NEB: variants seen among roughly 807,000 people sequenced by gnomAD.
NEB encodes nebulin.
NEB carries 512 observed loss-of-function variants against 952.2 expected under a neutral mutation model. That is an observed-to-expected ratio of 0.54 (90% CI 0.50 to 0.58). The LOEUF is 0.58. Ranked by LOEUF, NEB falls within the 20% of genes least tolerant of loss-of-function variation. NEB has a pLI of 0.00. For missense variants in NEB, 8,428 were observed against 9,231.1 expected (o/e 0.91, Z 3.56); for synonymous variants, 2,900 against 3,149.8 (o/e 0.92, Z 2.66).
intron 13 of NEB, among the ~76,000 whole-genome samples, chr2:151,702,887 T>C (rs933004674): frequency 6.6e-6 from 1 of 152,198 alleles, no homozygotes; most frequent in African/African-American, 2.4e-5. Flanking sequence ...AATATTGTTA[T>C]GTGTGAATTT....
chr2:151,568,960 C>T (rs2096533509), intron 110 of NEB, among the ~76,000 whole-genome samples: 1 of 152,150 alleles, frequency 6.6e-6, no homozygotes, highest in Admixed American at 6.6e-5. Flanking sequence ...TATAATGTAT[C>T]ATTATGTGTA....
At chr2:151,617,931 G>A (rs1007317273) in intron 74 of NEB, among the ~76,000 whole-genome samples, 2 of 152,046 alleles carry the variant, frequency 1.3e-5, no homozygotes, top group Non-Finnish European at 2.9e-5. Flanking sequence ...GTGGTGGCAG[G>A]CTCCTGTAAT....
chr2:151,701,711 A>T (rs1280972910), intron 13 of NEB, among the ~76,000 whole-genome samples: 2 of 150,402 alleles, frequency 1.3e-5, no homozygotes, highest in Admixed American at 6.6e-5. Context: ...CGGTGGTGAT[A>T]TCCCCTTTAT....
At chr2:151,535,133 G>A (rs1278554526) in intron 142 of NEB, among the ~76,000 whole-genome samples, 1 of 152,176 alleles carries the variant, frequency 6.6e-6, no homozygotes, top group Non-Finnish European at 1.5e-5. Flanking sequence ...TGCAAAGATG[G>A]TTACAGGAAA....
rs1579380316 is a variant in NEB at position 151,614,504 on chromosome 2, C to G, written c.11373G>C (p.Trp3791Cys). The change falls in exon 77 of 182, where the codon TGG (tryptophan) becomes TGC (cysteine). Residue 3791 changes from tryptophan to cysteine, a missense_variant. Physicochemically the swap from Trp to Cys is radical, Grantham distance 215. This residue lies in a region of NEB where 1,772 missense variants were observed against 1,960.3 expected (regional missense o/e 0.90). Transcript: ENST00000397345. ...TCTGGATCTTGGCCACATGGATGGACCACATCATCTTCGGGTCATCCTTAA... is the reference window on the plus strand; with the variant it reads ...TCTGGATCTTGGCCACATGGATGGAGCACATCATCTTCGGGTCATCCTTAA... Reference protein sequence around the residue: ...RNIKDDPKMMWSIHVAKIQSD... With the variant: ...RNIKDDPKMMCSIHVAKIQSD... 6.2e-7 allele frequency: 1 copy of G among 1,613,938 alleles called. No homozygotes were observed. Among genetic ancestry groups the G allele is most frequent in the Non-Finnish European group, 8.5e-7 (1 of 1,179,860 alleles).
At chr2:151,506,297 AAAG>A (rs1476546717) in intron 163 of NEB, 39 bp from the exon 164 acceptor site, 1 of 1,473,256 alleles carries the variant, frequency 6.8e-7, no homozygotes, top group Admixed American at 1.8e-5. Context: ...ACACAGAAGA[AAAG>A]AAAACCCAGC....
intron 34 of NEB, among the ~76,000 whole-genome samples, chr2:151,675,665 A>G (rs899850584): frequency 5.3e-5 from 8 of 152,224 alleles, no homozygotes; most frequent in African/African-American, 1.9e-4. Context: ...AACCCTAGCA[A>G]GAATAATAGA....
Position 151,516,467 on chromosome 2 carries a change from G to C in NEB, c.22897C>G (p.Gln7633Glu). 1 of 1,608,974 alleles carries C rather than the reference G, an allele frequency of 6.2e-7. No homozygotes were observed. The highest frequency in any genetic ancestry group is 1.3e-5 in the African/African-American group (1 of 74,932). ...TGGTTTTTTTGACTTACCCCACTCT[G>C]CATCTGCTGAGACTCTTTGGCAGTG... ...YITAKESQQM[Q>E]SGKEYRKDYE... Residue 7633 changes from glutamine to glutamate, a missense_variant, in exon 157 of 182, where the codon CAG becomes GAG. Gln to Glu is a conservative substitution (Grantham distance 29). This residue lies in a region of NEB where 3,374 missense variants were observed against 3,651.5 expected (regional missense o/e 0.92). Transcript: ENST00000397345.
At chr2:151,503,081 A>C in intron 166 of NEB, 196 bp from the exon 167 acceptor site, 1 of 583,636 alleles carries the variant, frequency 1.7e-6, no homozygotes, top group Non-Finnish European at 3.0e-6. Flanking sequence ...GAAAAAGTAC[A>C]ATGGAAAGCA....
intron 70 of NEB, among the ~76,000 whole-genome samples, chr2:151,626,114 C>CT (rs745887781): frequency 0.012 from 1,725 of 138,850 alleles, 25 homozygotes; most frequent in East Asian, 0.071. Context: ...TTGCATCTTT[C>CT]TTTTTTTTTT....
Position 151,534,214 on chromosome 2 carries a change from C to T in NEB, c.21313-668G>A. The T allele has an allele frequency of 6.2e-7, 1 of 1,612,474 alleles. No homozygotes were observed. Among genetic ancestry groups the T allele is most frequent in the Non-Finnish European group, 8.5e-7 (1 of 1,179,100 alleles). ...GCCACCGGCCAGCCCCATCACAGTA[C>T]CTGACTGATCTGGTCGCCTGCGGTC... is the stretch of plus-strand genomic sequence containing the variant. On this transcript the variant is annotated intron_variant, in intron 142 of 181. Coordinates refer to ENST00000397345, the MANE Select transcript of NEB (RefSeq NM_001164508.2).
At position 151,514,935 on chromosome 2, in the gene NEB, T is replaced by G. The variant is rs2076773842; in HGVS notation, c.22906-7A>C. 1 of 1,510,314 alleles carries G rather than the reference T, an allele frequency of 6.6e-7. No individual in the cohort carries two copies. Among genetic ancestry groups the G allele is most frequent in the African/African-American group, 1.4e-5 (1 of 72,532 alleles). The allele number at this position is 1,510,314 out of a possible 1,614,324, so 93.6% of individuals were successfully genotyped here. Reference sequence around the variant, plus strand: ...AATCTTTCCTATATTCTTTCTAATGTAAGTAGGAAGGAAAGACAAGTTAAA... The same window carrying G: ...AATCTTTCCTATATTCTTTCTAATGGAAGTAGGAAGGAAAGACAAGTTAAA... On this transcript the variant is annotated splice_region_variant and splice_polypyrimidine_tract_variant and intron_variant, in intron 157 of 181. Transcript: ENST00000397345.
intron 32 of NEB, among the ~76,000 whole-genome samples, chr2:151,678,391 T>C (rs952072667): frequency 6.6e-6 from 1 of 152,248 alleles, no homozygotes; most frequent in East Asian, 1.9e-4. Context: ...TTTGATTGTC[T>C]ATAGCTGTTT....
At chr2:151,698,357 C>T (rs542729527) in intron 13 of NEB, among the ~76,000 whole-genome samples, 66 of 152,000 alleles carry the variant, frequency 4.3e-4, no homozygotes, top group Non-Finnish European at 5.3e-4. Context: ...ATTTCATCAT[C>T]TCAAAAAAGC....
rs774000213 is a variant in NEB at position 151,665,368 on chromosome 2, C to A, written c.5203G>T (p.Ala1735Ser). The change falls in exon 42 of 182, where the codon GCA becomes TCA. Residue 1735 changes from alanine (A) to serine (S), a missense_variant. Coordinates refer to ENST00000397345, the MANE Select transcript of NEB (RefSeq NM_001164508.2). ...FTYAMDTMEQ[A>S]LNKSNKLNMD... ...TTCAGTTTGTTACTCTTGTTAAGTG[C>A]CTGTTCCATTGTGTCCATGGCGTAA... 6.2e-7 allele frequency: 1 copy of A among 1,613,516 alleles called. No individual in the cohort carries two copies. Among genetic ancestry groups the A allele is most frequent in the African/African-American group, 1.3e-5 (1 of 74,836 alleles).
chr2:151,607,564 G>A lies in NEB; in HGVS notation c.12579C>T (p.Thr4193=), dbSNP rs1384049532. Residue 4193 remains threonine (T), a synonymous_variant, in exon 83 of 182, where the codon ACC becomes ACT. Transcript: ENST00000397345. Reference sequence around the variant, plus strand: ...GCATCTCCGGAGTATCAGAAGGAATGGTGATGTTGCTTTTATCTTTATTCC... The same window carrying A: ...GCATCTCCGGAGTATCAGAAGGAATAGTGATGTTGCTTTTATCTTTATTCC... The part of the protein sequence containing the change: ...EAWNKDKSNI[T]IPSDTPEMLQ... 5 of 708,242 alleles carry A rather than the reference G, an allele frequency of 7.1e-6. 1 individual carries two copies. In the African/African-American group the frequency reaches 8.4e-5, roughly 12 times the overall value. The allele number at this position is 708,242 out of a possible 1,614,324, so 43.9% of individuals were successfully genotyped here.
intron 124 of NEB, 48 bp from the exon 125 acceptor site, chr2:151,555,092 A>G (rs1307137983): frequency 7.8e-7 from 1 of 1,282,468 alleles, no homozygotes; most frequent in South Asian, 1.2e-5. Flanking sequence ...AGAGTAATGG[A>G]TTTATATTAT....
chr2:151,722,760 G>A (rs1405687453), intron 9 of NEB, among the ~76,000 whole-genome samples: 3 of 152,060 alleles, frequency 2.0e-5, no homozygotes, highest in African/African-American at 7.2e-5. Context: ...TACTGCCCAG[G>A]CTGATCTCAG....
At chr2:151,716,068 T>A (rs1361659091) in intron 10 of NEB, 1 of 397,100 alleles carries the variant, frequency 2.5e-6, no homozygotes, top group African/African-American at 2.1e-5. Context: ...ACCTTTTTAT[T>A]TTTCTTCCAA....
Sources: allele counts gnomAD v4.1 joint callset (sites outside exome capture counted in the v4.1 genomes callset), GRCh38; gene constraint gnomAD v4.1.1; regional missense constraint gnomAD v4.1.1; transcripts MANE v1.5; gene names NCBI Gene and HGNC (gene_info 2026-07-23, HGNC 2026-07-21).